Variants in NOL4 observed in about 807,000 individuals in gnomAD.
The protein encoded by NOL4 is nucleolar protein 4.
Under a neutral mutation model 75.9 loss-of-function variants are expected in NOL4, and 17 were observed. The ratio of observed to expected loss-of-function variants is 0.22; its 90% CI spans 0.15 to 0.34. NOL4 has a LOEUF of 0.34. Ranked by LOEUF, NOL4 falls within the 10% of genes least tolerant of loss-of-function variation. The probability of loss-of-function intolerance (pLI) is 1.00; values close to 1 mark genes in which losing one functional copy is unlikely to be tolerated. For synonymous variants in NOL4, 292 were observed against 289.9 expected (o/e 1.01, Z -0.07); for missense variants, 614 against 793.5 (o/e 0.77, Z 2.72).
chr18:34,056,944 A>G (rs1400959447), intron 5 of NOL4, among the ~76,000 whole-genome samples: 1 of 152,188 alleles, frequency 6.6e-6, no homozygotes, highest in Non-Finnish European at 1.5e-5. Flanking sequence ...AGAAATACTT[A>G]AAGATGATAG....
rs182590919 is a variant in NOL4 at position 33,901,603 on chromosome 18, G to A, written c.1543-18179C>T. Among the ~76,000 whole-genome samples the A allele has an allele frequency of 7.7e-3, 1,170 of 152,114 alleles. 11 individuals carry two copies. The highest frequency in any genetic ancestry group is 0.01 in the Non-Finnish European group (704 of 67,948). On this transcript the variant is annotated intron_variant, in intron 9 of 10. Coordinates refer to ENST00000261592, the MANE Select transcript of NOL4 (RefSeq NM_003787.5). The stretch of plus-strand genomic sequence containing the variant: ...AATTAAGAAAGGATTTTGATATGGG[G>A]AAACACGTTTATAAAAATTTTGGAG...
chr18:34,117,462 G>A (rs1467875745), intron 2 of NOL4, among the ~76,000 whole-genome samples: 8 of 152,198 alleles, frequency 5.3e-5, no homozygotes, highest in Non-Finnish European at 5.9e-5. Flanking sequence ...GCTCCCTGGT[G>A]TGAAGTTCTT....
At chr18:34,006,460 C>T (rs2074032677) in intron 6 of NOL4, among the ~76,000 whole-genome samples, 1 of 151,966 alleles carries the variant, frequency 6.6e-6, no homozygotes, top group Non-Finnish European at 1.5e-5. Context: ...CAGCAGACAC[C>T]AATACTGAGC....
chr18:33,965,425 C>T (rs530749495), intron 6 of NOL4, among the ~76,000 whole-genome samples: 1 of 151,978 alleles, frequency 6.6e-6, no homozygotes, highest in African/African-American at 2.4e-5. Context: ...CCCACGAATC[C>T]CAGGCTGCTG....
At chr18:34,049,771 C>A (rs1314987297) in intron 5 of NOL4, among the ~76,000 whole-genome samples, 3 of 152,134 alleles carry the variant, frequency 2.0e-5, no homozygotes, top group South Asian at 2.1e-4. Flanking sequence ...GAATCTATAT[C>A]ATCTACATCT....
chr18:34,163,035 C>A (rs1181187734), intron 1 of NOL4, among the ~76,000 whole-genome samples: 3 of 152,162 alleles, frequency 2.0e-5, no homozygotes, highest in Non-Finnish European at 2.9e-5. Flanking sequence ...TGACAAAATT[C>A]AACAACCCTT....
At chr18:33,940,940 T>C (rs184387087) in intron 9 of NOL4, among the ~76,000 whole-genome samples, 1 of 152,014 alleles carries the variant, frequency 6.6e-6, no homozygotes, top group African/African-American at 2.4e-5. Context: ...AAGTTTTTCT[T>C]CAGTGGGTAG....
At chr18:34,215,569 A>C (rs1327863897) in intron 1 of NOL4, among the ~76,000 whole-genome samples, 1 of 152,168 alleles carries the variant, frequency 6.6e-6, no homozygotes, top group East Asian at 1.9e-4. Flanking sequence ...CAGGTAAGTA[A>C]AGTTGTGCTG....
At chr18:34,222,149 G>A in intron 1 of NOL4, 2 of 1,523,004 alleles carry the variant, frequency 1.3e-6, no homozygotes, top group Non-Finnish European at 1.8e-6. Context: ...TGCAGCGTGA[G>A]GCTGAGATGC....
intron 1 of NOL4, among the ~76,000 whole-genome samples, chr18:34,178,300 A>G (rs564124189): frequency 1.3e-5 from 2 of 151,934 alleles, no homozygotes; most frequent in African/African-American, 4.8e-5. Context: ...TAACTACTCA[A>G]TACAAAGGAA....
chr18:34,001,173 G>A (rs1238497654), intron 6 of NOL4, among the ~76,000 whole-genome samples: 1 of 152,088 alleles, frequency 6.6e-6, no homozygotes, highest in Non-Finnish European at 1.5e-5. Flanking sequence ...GGTTCAGAAA[G>A]CATAATCATT....
At chr18:33,861,508 A>G (rs138463961) in intron 10 of NOL4, among the ~76,000 whole-genome samples, 20,491 of 152,092 alleles carry the variant, frequency 0.13, 1,988 homozygotes, top group East Asian at 0.44. Flanking sequence ...TATTGTGTCT[A>G]TTTGATTCTT....
At chr18:33,927,627 A>G (rs1359108021) in intron 9 of NOL4, among the ~76,000 whole-genome samples, 2 of 152,214 alleles carry the variant, frequency 1.3e-5, no homozygotes, top group African/African-American at 4.8e-5. Flanking sequence ...TGAAAAATGT[A>G]TAAGGATTTA....
intron 1 of NOL4, among the ~76,000 whole-genome samples, chr18:34,183,093 C>T (rs1218806414): frequency 6.6e-6 from 1 of 151,700 alleles, no homozygotes; most frequent in Non-Finnish European, 1.5e-5. Context: ...CTGTGAAACA[C>T]ACAATTTTAA....
At chr18:34,073,767 A>G (rs2077621991) in intron 5 of NOL4, among the ~76,000 whole-genome samples, 1 of 152,092 alleles carries the variant, frequency 6.6e-6, no homozygotes, top group Non-Finnish European at 1.5e-5. Context: ...ATAGGGATAT[A>G]GTAATGCAAT....
intron 5 of NOL4, among the ~76,000 whole-genome samples, chr18:34,028,907 A>G (rs1375490921): frequency 2.0e-5 from 3 of 152,196 alleles, no homozygotes; most frequent in Non-Finnish European, 1.5e-5. Context: ...CAATTTTTGA[A>G]GAGTATTATA....
chr18:34,103,423 T>C (rs1007595814), intron 4 of NOL4, among the ~76,000 whole-genome samples: 4 of 152,150 alleles, frequency 2.6e-5, no homozygotes, highest in Admixed American at 2.6e-4. Context: ...TTAAGAAATA[T>C]GTTTTTAGTG....
chr18:33,933,864 C>T (rs1277531538), intron 9 of NOL4, among the ~76,000 whole-genome samples: 3 of 152,070 alleles, frequency 2.0e-5, no homozygotes, highest in Non-Finnish European at 2.9e-5. Context: ...TCCCATGAAT[C>T]GTGAATATTC....
At chr18:34,035,365 A>G (rs1452272279) in intron 5 of NOL4, among the ~76,000 whole-genome samples, 2 of 152,194 alleles carry the variant, frequency 1.3e-5, no homozygotes, top group Non-Finnish European at 2.9e-5. Context: ...CTGAACAACC[A>G]CTGGGTTATG....
Sources: gnomAD v4.1 joint callset for allele counts (sites outside exome capture counted in the v4.1 genomes callset) on GRCh38, gnomAD v4.1.1 for gene constraint, MANE v1.5 for transcripts, NCBI Gene and HGNC (gene_info 2026-07-23, HGNC 2026-07-21) for gene names.